The following GAPDH variants were observed in gnomAD, a reference collection of about 807,000 sequenced individuals.
The protein encoded by GAPDH is OCAS, p38 component.
GAPDH carries 13 observed loss-of-function variants against 31.2 expected under a neutral mutation model. That is an observed-to-expected ratio of 0.42 (90% CI 0.27 to 0.66). GAPDH has a LOEUF of 0.66. GAPDH is among the 30% of genes least tolerant of loss of function. The probability of loss-of-function intolerance (pLI) is 0.26; values close to 1 mark genes in which losing one functional copy is unlikely to be tolerated. For synonymous variants in GAPDH, 211 were observed against 166.9 expected (o/e 1.26, Z -2.04); for missense variants, 300 against 443.7 (o/e 0.68, Z 2.91).
chr12:6,537,493 G>C lies in GAPDH; in HGVS notation c.526-91G>C. ...CAACCCTGGGGTTGGGGGTTCTGGG[G>C]ACTGGCTTTCCCATAATTTCCTTTC... On this transcript the variant is annotated intron_variant, in intron 7 of 8. Transcript: ENST00000229239. The surrounding 1 kb of genome is among the most constrained non-coding windows in gnomAD (Gnocchi z 4.9). 1 of 1,584,556 alleles carries C rather than the reference G, an allele frequency of 6.3e-7. No individual in the cohort carries two copies. The highest frequency in any genetic ancestry group is 8.6e-7 in the Non-Finnish European group (1 of 1,160,386).
In GAPDH at chr12:6,537,679, C is replaced by A; in HGVS notation, c.621C>A (p.Ile207=). 1 of 1,611,614 alleles carries A rather than the reference C, an allele frequency of 6.2e-7. No homozygotes were observed. Among genetic ancestry groups the A allele is most frequent in the Non-Finnish European group, 8.5e-7 (1 of 1,179,860 alleles). Residue 207 remains isoleucine (I), a synonymous_variant, in exon 8 of 9, where the codon ATC becomes ATA. Transcript: ENST00000229239. The surrounding 1 kb of genome is among the most constrained non-coding windows in gnomAD (Gnocchi z 4.9). The part of the protein sequence containing the change: ...RDGRGALQNI[I]PASTGAAKAV... ...GCCGCGGGGCTCTCCAGAACATCAT[C>A]CCTGCCTCTACTGGCGCTGCCAAGG...
intron 2 of GAPDH, among the ~76,000 whole-genome samples, chr12:6,535,828 C>T (rs866823613): frequency 4.6e-5 from 7 of 152,304 alleles, no homozygotes; most frequent in African/African-American, 1.7e-4. Flanking sequence ...AGCTGCTGAC[C>T]TTTCTGTAGC....
chr12:6,536,447 C>G, intron 2 of GAPDH, 47 bp from the exon 3 acceptor site: 1 of 1,380,174 alleles, frequency 7.2e-7, no homozygotes, highest in South Asian at 1.2e-5. Context: ...CTCACATATT[C>G]TGGAGGAGCC....
At chr12:6,534,713 G>T in intron 1 of GAPDH, 97 bp from the exon 2 acceptor site, 1 of 1,080,486 alleles carries the variant, frequency 9.3e-7, no homozygotes, top group Non-Finnish European at 1.4e-6. Context: ...ACGTGATGCG[G>T]CGCGGGCTGG....
In GAPDH at chr12:6,537,604, T is replaced by C; in HGVS notation, c.546T>C (p.Thr182=). 1 of 1,611,936 alleles carries C rather than the reference T, an allele frequency of 6.2e-7. No individual in the cohort carries two copies. The highest frequency in any genetic ancestry group is 8.5e-7 in the Non-Finnish European group (1 of 1,179,728). ...EGLMTTVHAI[T]ATQKTVDGPS... ...TGCAGACCACAGTCCATGCCATCAC[T>C]GCCACCCAGAAGACTGTGGATGGCC... The change falls in exon 8 of 9, where the codon ACT becomes ACC. Residue 182 remains threonine (T), a synonymous_variant. Transcript: ENST00000229239. This position sits in a 1 kb window ranked among gnomAD's most constrained non-coding sequence, Gnocchi z 4.9.
In GAPDH at chr12:6,537,969, A is replaced by G. The variant is rs374950549; in HGVS notation, c.911A>G (p.Asn304Ser). 98 of 1,613,744 alleles carry G rather than the reference A, an allele frequency of 6.1e-5. No homozygotes were observed. In the African/African-American group the frequency reaches 7.6e-4, roughly 13 times the overall value. ...GACGCTGGGGCTGGCATTGCCCTCA[A>G]CGACCACTTTGTCAAGCTCATTTCC... Reference protein sequence around the residue: ...TFDAGAGIALNDHFVKLISWY... With the variant: ...TFDAGAGIALSDHFVKLISWY... The change falls in exon 8 of 9, where the codon AAC becomes AGC. Residue 304 changes from asparagine (N) to serine (S), a missense_variant. Transcript: ENST00000229239. This position sits in a 1 kb window ranked among gnomAD's most constrained non-coding sequence, Gnocchi z 4.9.
At chr12:6,534,749 A>AG (rs1216271124) in intron 1 of GAPDH, 61 bp from the exon 2 acceptor site, 1 of 1,394,650 alleles carries the variant, frequency 7.2e-7, no homozygotes, top group Admixed American at 1.7e-5. Flanking sequence ...GGGGGAGGGG[A>AG]GGGGAGGCGT....
intron 2 of GAPDH, chr12:6,535,249 A>T: frequency 4.7e-6 from 5 of 1,065,368 alleles, no homozygotes; most frequent in Non-Finnish European, 5.7e-6. Flanking sequence ...GCTAGTGCGC[A>T]GCGGGTGCAT....
rs1187465197 is a variant in GAPDH at position 6,534,639 on chromosome 12, G to A, written c.-24+70G>A. 9.2e-6 allele frequency: 6 copies of A among 652,768 alleles called. No individual in the cohort carries two copies. In the East Asian group the frequency reaches 1.1e-4, roughly 12 times the overall value. The allele number at this position is 652,768 out of a possible 1,614,324, so 40.4% of individuals were successfully genotyped here. The stretch of plus-strand genomic sequence containing the variant: ...AAGGCGGCAGGGGCGGGCGCAGGCC[G>A]GATGTGTTCGCGCCGCTGCGGGGTG... On this transcript the variant is annotated intron_variant, in intron 1 of 8. Transcript: ENST00000229239.
chr12:6,535,395 C>T, intron 2 of GAPDH: 2 of 988,570 alleles, frequency 2.0e-6, no homozygotes, highest in Non-Finnish European at 1.2e-6. Flanking sequence ...TCGCGTGTGG[C>T]GGGGAAGTCA....
chr12:6,535,856 G>A (rs1237085352), intron 2 of GAPDH, among the ~76,000 whole-genome samples: 5 of 152,310 alleles, frequency 3.3e-5, no homozygotes, highest in African/African-American at 1.2e-4. Context: ...CTGGGCTGGG[G>A]CTCTCTCCCA....
At chr12:6,538,061 G>A (rs1189735019) in intron 8 of GAPDH, 40 bp from the exon 9 acceptor site, 1 of 1,599,414 alleles carries the variant, frequency 6.3e-7, no homozygotes, top group Non-Finnish European at 8.5e-7. Context: ...CTGGTGGCTG[G>A]CTCAGAAAAA....
Position 6,536,781 on chromosome 12 carries a change from T to C in GAPDH, c.227T>C (p.Ile76Thr). ...GTCATCAATGGAAATCCCATCACCA[T>C]CTTCCAGGAGTGAGTGGAAGACAGA... ...KLVINGNPIT[I>T]FQERDPSKIK... is the part of the protein sequence containing the mutation. The change falls in exon 4 of 9, where the codon ATC becomes ACC. Residue 76 changes from isoleucine to threonine, a missense_variant. Transcript: ENST00000229239. 6.2e-7 allele frequency: 1 copy of C among 1,613,572 alleles called. No homozygotes were observed. The highest frequency in any genetic ancestry group is 8.5e-7 in the Non-Finnish European group (1 of 1,179,498).
intron 2 of GAPDH, among the ~76,000 whole-genome samples, chr12:6,536,109 T>C (rs1301666200): frequency 4.6e-5 from 7 of 152,354 alleles, no homozygotes; most frequent in Middle Eastern, 3.4e-3. Context: ...TTGATGATGC[T>C]GAGTGTACAA....
At chr12:6,536,879 C>G in intron 4 of GAPDH, 41 bp from the exon 5 acceptor site, 1 of 1,592,852 alleles carries the variant, frequency 6.3e-7, no homozygotes, top group South Asian at 1.1e-5. Flanking sequence ...CCTTGTGTCC[C>G]TCAATATGGT....
Position 6,537,527 on chromosome 12 carries a change from G to T in GAPDH, c.526-57G>T. The T allele has an allele frequency of 1.3e-6, 2 of 1,587,296 alleles. No individual in the cohort carries two copies. The highest frequency in any genetic ancestry group is 1.1e-5 in the South Asian group (1 of 87,402). On this transcript the variant is annotated intron_variant, in intron 7 of 8. Transcript: ENST00000229239. This position sits in a 1 kb window ranked among gnomAD's most constrained non-coding sequence, Gnocchi z 4.9. ...TCCCATAATTTCCTTTCAAGGTGGG[G>T]AGGGAGGTAGAGGGGTGATGTGGGG...
rs945260926 is a variant in GAPDH at position 6,534,541 on chromosome 12, G to A, written c.-52G>A. On this transcript the variant is annotated 5_prime_UTR_variant, in exon 1 of 9. Transcript: ENST00000229239. Reference sequence around the variant, plus strand: ...CGCTCTCTGCTCCTCCTGTTCGACAGTCAGCCGCATCTTCTTTTGCGTCGC... The same window carrying A: ...CGCTCTCTGCTCCTCCTGTTCGACAATCAGCCGCATCTTCTTTTGCGTCGC... 3.2e-5 allele frequency: 16 copies of A among 500,020 alleles called. No homozygotes were observed. Among genetic ancestry groups the A allele is most frequent in the Non-Finnish European group, 4.7e-5 (13 of 278,062 alleles). The allele number at this position is 500,020 out of a possible 1,614,324, so 31.0% of individuals were successfully genotyped here.
chr12:6,538,051 C>G (rs769189757), intron 8 of GAPDH, 50 bp from the exon 9 acceptor site: 2 of 1,596,958 alleles, frequency 1.3e-6, no homozygotes, highest in African/African-American at 2.7e-5. Flanking sequence ...CTGGCGCCCT[C>G]TGGTGGCTGG....
At chr12:6,535,140 C>T (rs1317906366) in intron 2 of GAPDH, 3 of 978,344 alleles carry the variant, frequency 3.1e-6, no homozygotes, top group Non-Finnish European at 4.1e-6. Context: ...GACCCGGACC[C>T]CTAGGTGGGG....
Sources: gnomAD v4.1 joint callset for allele counts (sites outside exome capture counted in the v4.1 genomes callset) on GRCh38, gnomAD v4.1.1 for gene constraint, Gnocchi (gnomAD v3.1) non-coding constraint, MANE v1.5 for transcripts, NCBI Gene and HGNC (gene_info 2026-07-23, HGNC 2026-07-21) for gene names.